The following SUMF1 variants were observed in gnomAD, a reference collection of about 807,000 sequenced individuals.
The protein encoded by SUMF1 is formylglycine-generating enzyme.
In SUMF1, 48 loss-of-function variants were observed where a neutral mutation model predicts 47.6. That is an observed-to-expected ratio of 1.01 (90% CI 0.80 to 1.28). The LOEUF (loss-of-function observed/expected upper bound fraction) is 1.28, where lower values mean the gene tolerates loss of function less well. SUMF1 is among the 50% of genes most tolerant of loss of function. SUMF1 has a pLI of 0.00. For missense variants in SUMF1, 571 were observed against 485.4 expected (o/e 1.18, Z -1.66); for synonymous variants, 230 against 192.1 (o/e 1.20, Z -1.63).
At chr3:4,058,573 A>C (rs1268940317) in intron 9 of SUMF1, among the ~76,000 whole-genome samples, 1 of 152,146 alleles carries the variant, frequency 6.6e-6, no homozygotes, top group African/African-American at 2.4e-5. Context: ...GTAAGAGGAA[A>C]ATGAAGTAAA....
At chr3:4,089,641 A>G (rs1692742934) in intron 8 of SUMF1, among the ~76,000 whole-genome samples, 1 of 152,148 alleles carries the variant, frequency 6.6e-6, no homozygotes, top group South Asian at 2.1e-4. Context: ...AGAATAATAT[A>G]TTAGTCATTA....
chr3:4,072,783 A>G (rs1404974642), intron 8 of SUMF1, among the ~76,000 whole-genome samples: 1 of 152,100 alleles, frequency 6.6e-6, no homozygotes, highest in East Asian at 1.9e-4. Flanking sequence ...AAGATTAGAG[A>G]AAAAAAGAGT....
chr3:4,203,397 A>G (rs560393778), intron 8 of SUMF1, among the ~76,000 whole-genome samples: 9 of 152,126 alleles, frequency 5.9e-5, no homozygotes, highest in African/African-American at 1.9e-4. Context: ...ATATAAATAT[A>G]GCTACTCCTG....
intron 5 of SUMF1, 102 bp downstream of exon 5, chr3:4,417,908 T>G (rs190271758): frequency 6.3e-7 from 1 of 1,575,838 alleles, no homozygotes; most frequent in Non-Finnish European, 8.7e-7. Flanking sequence ...TTATTGTCGT[T>G]ATTAACTTTC....
intron 8 of SUMF1, among the ~76,000 whole-genome samples, chr3:4,163,777 T>G (rs923929668): frequency 6.6e-6 from 1 of 152,096 alleles, no homozygotes; most frequent in Non-Finnish European, 1.5e-5. Context: ...GATCAAGATG[T>G]ATTGTTAGGT....
At chr3:4,183,687 T>C (rs1695142370) in intron 8 of SUMF1, among the ~76,000 whole-genome samples, 1 of 152,178 alleles carries the variant, frequency 6.6e-6, no homozygotes, top group African/African-American at 2.4e-5. Context: ...TGAACAACAC[T>C]GAAAATCAAT....
intron 8 of SUMF1, among the ~76,000 whole-genome samples, chr3:4,348,404 T>G (rs1699416989): frequency 6.6e-6 from 1 of 151,932 alleles, no homozygotes; most frequent in Admixed American, 6.6e-5. Flanking sequence ...CTTTCACAAA[T>G]CTGACAAAAA....
At chr3:4,105,740 A>G (rs548436667) in intron 8 of SUMF1, among the ~76,000 whole-genome samples, 1 of 152,270 alleles carries the variant, frequency 6.6e-6, no homozygotes, top group African/African-American at 2.4e-5. Context: ...ATTAAAGTCT[A>G]CACTGCTCCT....
In SUMF1 at chr3:4,448,140, AT is replaced by A. The variant is rs143115081; in HGVS notation, c.519+1125del. The stretch of plus-strand genomic sequence containing the variant: ...TGAAATTCGAATGGAGCTCAATCAC[AT>A]TTTTCAAACATTTATCTAAAACACA... On this transcript the variant is annotated intron_variant, in intron 3 of 8. Transcript: ENST00000272902. Among the ~76,000 whole-genome samples, 728 of 152,278 alleles carry A rather than the reference AT, an allele frequency of 4.8e-3. 2 individuals are homozygous for A. The highest frequency in any genetic ancestry group is 0.017 in the African/African-American group (703 of 41,552).
At chr3:4,319,581 T>G (rs1698777998) in intron 8 of SUMF1, among the ~76,000 whole-genome samples, 1 of 152,210 alleles carries the variant, frequency 6.6e-6, no homozygotes, top group Non-Finnish European at 1.5e-5. Context: ...TTTCAAGTTT[T>G]AAGACCTGAA....
intron 8 of SUMF1, among the ~76,000 whole-genome samples, chr3:4,081,828 A>C (rs1208959461): frequency 1.3e-5 from 2 of 152,154 alleles, no homozygotes; most frequent in East Asian, 3.9e-4. Flanking sequence ...TTTAACATCT[A>C]CAATCAGGAA....
chr3:4,403,105 GCTAAGTC>G (rs1279746584), intron 7 of SUMF1, among the ~76,000 whole-genome samples: 1 of 152,122 alleles, frequency 6.6e-6, no homozygotes, highest in African/African-American at 2.4e-5. Flanking sequence ...CAAACATGGT[GCTAAGTC>G]CCATACTACA....
rs770383117 is a variant in SUMF1 at position 4,420,194 on chromosome 3, T to C, written c.520-48A>G. The C allele has an allele frequency of 2.7e-6, 4 of 1,457,828 alleles. No homozygotes were observed. Among genetic ancestry groups the C allele is most frequent in the African/African-American group, 2.8e-5 (2 of 71,888 alleles). 90.3% of individuals were successfully genotyped at this position (1,457,828 alleles called of 1,614,324 possible). ...TGATGTTAGCTACTAACATCAACTCTAGAAAAATATCAACTCAGTACATGC... is the reference window on the plus strand; with the variant it reads ...TGATGTTAGCTACTAACATCAACTCCAGAAAAATATCAACTCAGTACATGC... On this transcript the variant is annotated intron_variant, in intron 3 of 8. Transcript: ENST00000272902.
chr3:4,157,634 C>G (rs1004307230), intron 8 of SUMF1, among the ~76,000 whole-genome samples: 4 of 151,542 alleles, frequency 2.6e-5, no homozygotes, highest in African/African-American at 9.8e-5. Flanking sequence ...GTGTTCTTCT[C>G]TCTAATCATC....
chr3:4,269,589 A>G (rs1055128618), intron 8 of SUMF1, among the ~76,000 whole-genome samples: 3 of 152,226 alleles, frequency 2.0e-5, no homozygotes, highest in Non-Finnish European at 2.9e-5. Flanking sequence ...ACTACAGGAC[A>G]GAGGAGAGTT....
At chr3:4,181,722 T>A (rs561993926) in intron 8 of SUMF1, among the ~76,000 whole-genome samples, 8 of 152,204 alleles carry the variant, frequency 5.3e-5, no homozygotes, top group African/African-American at 1.9e-4. Context: ...ACAATTTACA[T>A]AGTCTCAGGG....
At chr3:4,274,385 C>G (rs1421268265) in intron 8 of SUMF1, among the ~76,000 whole-genome samples, 1 of 152,116 alleles carries the variant, frequency 6.6e-6, no homozygotes, top group Non-Finnish European at 1.5e-5. Flanking sequence ...TGAAAGCATA[C>G]TATATTCGGC....
chr3:4,252,805 G>C (rs908439720), intron 8 of SUMF1, among the ~76,000 whole-genome samples: 1 of 152,100 alleles, frequency 6.6e-6, no homozygotes, highest in East Asian at 1.9e-4. Context: ...CAAATGGTCT[G>C]ACTCAGTGAA....
intron 8 of SUMF1, among the ~76,000 whole-genome samples, chr3:4,069,641 A>G (rs1461900462): frequency 6.6e-6 from 1 of 152,036 alleles, no homozygotes; most frequent in Admixed American, 6.6e-5. Context: ...ATAACTTGAG[A>G]ACTAAGCTCT....
Sources: gnomAD v4.1 joint callset for allele counts (sites outside exome capture counted in the v4.1 genomes callset) on GRCh38, gnomAD v4.1.1 for gene constraint, MANE v1.5 for transcripts, NCBI Gene and HGNC (gene_info 2026-07-23, HGNC 2026-07-21) for gene names.